Variants in PCYT1A observed in about 807,000 individuals in gnomAD.
The protein encoded by PCYT1A is phosphate cytidylyltransferase 1A, choline, also known as choline-phosphate cytidylyltransferase A.
PCYT1A carries 25 observed loss-of-function variants against 43.7 expected under a neutral mutation model. That is an observed-to-expected ratio of 0.57 (90% CI 0.42 to 0.80). The LOEUF is 0.80. PCYT1A is among the 30% of genes least tolerant of loss of function. The pLI is 0.00. For missense variants in PCYT1A, 421 were observed against 474.2 expected (o/e 0.89, Z 1.04); for synonymous variants, 172 against 170.7 (o/e 1.01, Z -0.06).
intron 4 of PCYT1A, 43 bp downstream of exon 4, chr3:196,248,164 T>C (rs747820250): frequency 1.9e-6 from 2 of 1,073,564 alleles, no homozygotes; most frequent in Non-Finnish European, 2.9e-6. Context: ...TGTACTATCA[T>C]CTTTTTCTGC....
rs1409452388 is a variant in PCYT1A at position 196,252,115 on chromosome 3, C to T, written c.218-3792G>A. ...GCCACGCCCCGCAGACTACAGCGCA[C>T]CCCGCCACGCCCCACTGGCTACAGT... On this transcript the variant is annotated intron_variant, in intron 3 of 8. Transcript: ENST00000431016. The surrounding 1 kb of genome is among the most constrained non-coding windows in gnomAD (Gnocchi z 4.0). 6.6e-6 allele frequency among the ~76,000 whole-genome samples: 1 copy of T among 152,040 alleles called. No individual in the cohort carries two copies. Among genetic ancestry groups the T allele is most frequent in the Non-Finnish European group, 1.5e-5 (1 of 67,990 alleles).
intron 5 of PCYT1A, among the ~76,000 whole-genome samples, chr3:196,245,451 A>G (rs1279751071): frequency 6.6e-6 from 1 of 152,156 alleles, no homozygotes; most frequent in Non-Finnish European, 1.5e-5. Context: ...TTTTACTGCT[A>G]TGAATATCCT....
intron 2 of PCYT1A, among the ~76,000 whole-genome samples, chr3:196,261,157 T>A (rs1392112541): frequency 2.6e-5 from 4 of 152,142 alleles, no homozygotes; most frequent in African/African-American, 9.7e-5. Flanking sequence ...GAAAGCAGAT[T>A]AGTGGTTGCC....
At chr3:196,248,019 G>C (rs531818452) in intron 4 of PCYT1A, 188 bp downstream of exon 4, 1 of 603,538 alleles carries the variant, frequency 1.7e-6, no homozygotes, top group South Asian at 2.0e-5. Flanking sequence ...TGGCACAGTC[G>C]AGGAGCTTGA....
Position 196,273,656 on chromosome 3 carries a change from G to A in PCYT1A, c.-10-3115C>T, listed in dbSNP as rs1466762864. Among the ~76,000 whole-genome samples, 2 of 152,308 alleles carry A rather than the reference G, an allele frequency of 1.3e-5. No individual in the cohort carries two copies. Among genetic ancestry groups the A allele is most frequent in the Admixed American group, 1.3e-4 (2 of 15,298 alleles). Reference sequence around the variant, plus strand: ...TCAGTGGAGAGGAGACCTGGAGTGGGAAGCTCCTATCCGCAGGCAGGTCAT... The same window carrying A: ...TCAGTGGAGAGGAGACCTGGAGTGGAAAGCTCCTATCCGCAGGCAGGTCAT... On this transcript the variant is annotated intron_variant, in intron 1 of 8. Transcript: ENST00000431016. This position sits in a 1 kb window ranked among gnomAD's most constrained non-coding sequence, Gnocchi z 4.1.
At chr3:196,278,300 C>T (rs544241156) in intron 1 of PCYT1A, among the ~76,000 whole-genome samples, 165 of 152,288 alleles carry the variant, frequency 1.1e-3, no homozygotes, top group Non-Finnish European at 1.7e-3. Flanking sequence ...TTCTTGGACT[C>T]TCAGTTTATG....
chr3:196,254,601 T>G (rs934478049), intron 3 of PCYT1A, among the ~76,000 whole-genome samples: 1 of 152,190 alleles, frequency 6.6e-6, no homozygotes, highest in Non-Finnish European at 1.5e-5. Flanking sequence ...TCCTTCTGCC[T>G]TGGCCTCCCA....
In PCYT1A at chr3:196,237,296, G is replaced by A. The variant is rs1232175493; in HGVS notation, c.*1392C>T. ...AGCAGCTAAGGAGACAGGAGGCCAG[G>A]GCTTTAAAAGTTAGAGCATGCTCAA... On this transcript the variant is annotated 3_prime_UTR_variant, in exon 9 of 9. Transcript: ENST00000431016. The A allele has an allele frequency of 6.6e-6, 1 of 152,226 alleles. No individual in the cohort carries two copies. Among genetic ancestry groups the A allele is most frequent in the Non-Finnish European group, 1.5e-5 (1 of 68,052 alleles). 9.4% of individuals were successfully genotyped at this position (152,226 alleles called of 1,614,324 possible). A position where few individuals can be genotyped will look rare whatever the true frequency, so the allele number is the denominator to read the frequency against.
intron 1 of PCYT1A, among the ~76,000 whole-genome samples, chr3:196,272,157 T>C (rs1366731479): frequency 9.1e-5 from 6 of 65,810 alleles, no homozygotes; most frequent in African/African-American, 4.1e-4. Context: ...ACCAGCATAA[T>C]GTATTTTTTA....
At chr3:196,249,121 T>C (rs1330748494) in intron 3 of PCYT1A, among the ~76,000 whole-genome samples, 2 of 151,658 alleles carry the variant, frequency 1.3e-5, no homozygotes, top group Non-Finnish European at 2.9e-5. Flanking sequence ...AGGGGTAGGT[T>C]GGGTTATGAA....
At chr3:196,243,394 AAG>A (rs953245228) in intron 5 of PCYT1A, among the ~76,000 whole-genome samples, 4 of 152,152 alleles carry the variant, frequency 2.6e-5, no homozygotes, top group Non-Finnish European at 5.9e-5. Context: ...TCCGTGAGAA[AAG>A]AGGGAATATA....
intron 3 of PCYT1A, among the ~76,000 whole-genome samples, chr3:196,255,876 T>C (rs897889821): frequency 5.9e-5 from 9 of 152,348 alleles, no homozygotes; most frequent in African/African-American, 2.2e-4. Flanking sequence ...GTTCTTGCTT[T>C]CAATAGCCTC....
intron 2 of PCYT1A, among the ~76,000 whole-genome samples, chr3:196,263,784 C>G (rs997039746): frequency 6.6e-6 from 1 of 152,086 alleles, no homozygotes; most frequent in African/African-American, 2.4e-5. Context: ...AGGCACCCAC[C>G]ACCACGCCCG....
chr3:196,270,590 A>G, intron 1 of PCYT1A, 49 bp from the exon 2 acceptor site: 1 of 1,192,362 alleles, frequency 8.4e-7, no homozygotes, highest in Non-Finnish European at 1.3e-6. Context: ...GGTGGGAAAA[A>G]GTTTGTCACC....
At position 196,273,082 on chromosome 3, in the gene PCYT1A, A is replaced by C. The variant is rs1725485688; in HGVS notation, c.-10-2541T>G. ...CAGGCACGCCAGCTGCCAGGGGGTG[A>C]GCAGCTCGAGGCGCCAGCTCCCTGA... On this transcript the variant is annotated intron_variant, in intron 1 of 8. Coordinates refer to ENST00000431016, the MANE Select transcript of PCYT1A (RefSeq NM_001312673.2). The surrounding 1 kb of genome is among the most constrained non-coding windows in gnomAD (Gnocchi z 4.1). Among the ~76,000 whole-genome samples, 4 of 152,218 alleles carry C rather than the reference A, an allele frequency of 2.6e-5. No individual in the cohort carries two copies. The South Asian group carries it at 8.3e-4, about 31-fold the overall frequency.
chr3:196,275,248 C>G (rs367725061), intron 1 of PCYT1A, among the ~76,000 whole-genome samples: 1 of 152,114 alleles, frequency 6.6e-6, no homozygotes, highest in African/African-American at 2.4e-5. Context: ...TAAGTACAAA[C>G]TGAACCTGGA....
In PCYT1A at chr3:196,248,283, G is replaced by A. The variant is rs766273263; in HGVS notation, c.258C>T (p.Asp86=). Residue 86 remains aspartate (D), a synonymous_variant, in exon 4 of 9, where the codon GAC becomes GAT. Transcript: ENST00000431016. ...CTCGGGCGTGACCAGAGTGAAATAA[G>A]TCAAATATTCCATCGGCATAAACTC... ...PVRVYADGIF[D]LFHSGHARAL... 1.9e-6 allele frequency: 3 copies of A among 1,613,226 alleles called. No homozygotes were observed. Among genetic ancestry groups the A allele is most frequent in the African/African-American group, 1.3e-5 (1 of 75,014 alleles).
chr3:196,282,821 T>C lies in PCYT1A; in HGVS notation c.-11+4794A>G, dbSNP rs1045888202. ...TTTCTGTATATAAAAAAACTACCTG[T>C]TTTTTATTAAGGGTCATATGCTCAT... On this transcript the variant is annotated intron_variant, in intron 1 of 8. Coordinates refer to ENST00000431016, the MANE Select transcript of PCYT1A (RefSeq NM_001312673.2). The surrounding 1 kb of genome is among the most constrained non-coding windows in gnomAD (Gnocchi z 4.3). Among the ~76,000 whole-genome samples, 1 of 152,134 alleles carries C rather than the reference T, an allele frequency of 6.6e-6. No individual in the cohort carries two copies.
At chr3:196,244,832 A>G (rs1724506354) in intron 5 of PCYT1A, among the ~76,000 whole-genome samples, 1 of 152,110 alleles carries the variant, frequency 6.6e-6, no homozygotes, top group Non-Finnish European at 1.5e-5. Context: ...GTGTCCACTC[A>G]GGGTTAAATG....
Sources: gnomAD v4.1 joint callset for allele counts (sites outside exome capture counted in the v4.1 genomes callset) on GRCh38, gnomAD v4.1.1 for gene constraint, Gnocchi (gnomAD v3.1) non-coding constraint, MANE v1.5 for transcripts, NCBI Gene and HGNC (gene_info 2026-07-23, HGNC 2026-07-21) for gene names.